Variants in JAK1 observed in about 807,000 individuals in gnomAD.
JAK1 encodes Janus kinase 1, also known as tyrosine-protein kinase JAK1.
A neutral mutation model predicts 136.6 loss-of-function variants in JAK1; 16 were observed. That is an observed-to-expected ratio of 0.12 (90% confidence interval 0.08 to 0.18). The LOEUF is 0.18. Ranked by LOEUF, JAK1 falls within the 10% of genes least tolerant of loss-of-function variation. The probability of loss-of-function intolerance (pLI) is 1.00; values close to 1 mark genes in which losing one functional copy is unlikely to be tolerated. For synonymous variants in JAK1, 492 were observed against 519.5 expected (o/e 0.95, Z 0.72); for missense variants, 859 against 1,450.1 (o/e 0.59, Z 6.62).
intron 2 of JAK1, among the ~76,000 whole-genome samples, chr1:65,036,452 G>A (rs1007795373): frequency 2.6e-5 from 4 of 152,062 alleles, no homozygotes; most frequent in African/African-American, 9.7e-5. Context: ...AAGTTATAAG[G>A]GAGCAGGGAA....
chr1:65,049,200 T>G (rs1647221782), intron 1 of JAK1, among the ~76,000 whole-genome samples: 1 of 152,040 alleles, frequency 6.6e-6, no homozygotes, highest in Non-Finnish European at 1.5e-5. Context: ...GGCGGGAATA[T>G]CTCCTGGAGC....
At chr1:64,885,543 C>A (rs768857623) in intron 2 of JAK1, among the ~76,000 whole-genome samples, 1 of 151,858 alleles carries the variant, frequency 6.6e-6, no homozygotes. Flanking sequence ...CACGAGGTCA[C>A]GAGATTGAGA....
At chr1:64,990,094 G>C (rs527266503) in intron 2 of JAK1, 1 of 152,148 alleles carries the variant, frequency 6.6e-6, no homozygotes, top group Non-Finnish European at 1.5e-5. Flanking sequence ...GATCACTTGC[G>C]GTCAGGAGTT....
chr1:64,843,732 ATTT>A (rs10534789), intron 17 of JAK1, among the ~76,000 whole-genome samples: 54,223 of 151,862 alleles, frequency 0.36, 11,661 homozygotes, highest in African/African-American at 0.61. Context: ...TTGTGTGGTA[ATTT>A]TGCTGAATAA....
chr1:64,873,077 A>G (rs1350467279), intron 5 of JAK1, among the ~76,000 whole-genome samples: 1 of 152,210 alleles, frequency 6.6e-6, no homozygotes, highest in African/African-American at 2.4e-5. Flanking sequence ...ACCTCTGCAC[A>G]TAAGGCTATT....
At chr1:65,063,804 CAAAAAAAAAAAA>C (rs370192253) in intron 1 of JAK1, among the ~76,000 whole-genome samples, 1 of 81,372 alleles carries the variant, frequency 1.2e-5, no homozygotes, top group Non-Finnish European at 2.7e-5. Flanking sequence ...GACTCTATCT[CAAAAAAAAAAAA>C]AAAAAAAGAA....
intron 9 of JAK1, among the ~76,000 whole-genome samples, chr1:64,858,260 C>A (rs907103092): frequency 1.3e-5 from 2 of 152,182 alleles, no homozygotes; most frequent in African/African-American, 2.4e-5. Context: ...TAGGAACAGG[C>A]CTGTCTTACA....
chr1:64,914,633 A>G (rs1481469670), intron 1 of JAK1, among the ~76,000 whole-genome samples: 1 of 152,162 alleles, frequency 6.6e-6, no homozygotes, highest in Non-Finnish European at 1.5e-5. Context: ...GCGTGATCTC[A>G]GCTCACTGCA....
chr1:64,908,318 T>G (rs1474525052), intron 1 of JAK1, among the ~76,000 whole-genome samples: 1 of 152,172 alleles, frequency 6.6e-6, no homozygotes, highest in Non-Finnish European at 1.5e-5. Flanking sequence ...ATGATGCATC[T>G]ATTCAGCTCT....
rs561142988 is a variant in JAK1 at position 64,894,938 on chromosome 1, C to T, written c.-77-8597G>A. On this transcript the variant is annotated intron_variant, in intron 1 of 24. Transcript: ENST00000342505. Reference sequence around the variant, plus strand: ...CTCCAATCTTAAACTGCTGGCAGAGCTCTCAGCGAACCCTATCCATATAAT... The same window carrying T: ...CTCCAATCTTAAACTGCTGGCAGAGTTCTCAGCGAACCCTATCCATATAAT... 4.6e-4 allele frequency among the ~76,000 whole-genome samples: 70 copies of T among 152,286 alleles called. 1 individual carries two copies. The highest frequency in any genetic ancestry group is 7.9e-4 in the Non-Finnish European group (54 of 68,032).
chr1:65,042,021 C>A (rs1192984798), intron 2 of JAK1, among the ~76,000 whole-genome samples: 1 of 151,582 alleles, frequency 6.6e-6, no homozygotes, highest in African/African-American at 2.4e-5. Flanking sequence ...CCAGCCTGGG[C>A]AAGAAGAGCA....
At chr1:64,976,843 C>T (rs1017530402) in intron 2 of JAK1, among the ~76,000 whole-genome samples, 2 of 152,158 alleles carry the variant, frequency 1.3e-5, no homozygotes, top group African/African-American at 4.8e-5. Flanking sequence ...ACCACCTTTT[C>T]CAGGCTTCTA....
At chr1:65,033,563 C>T (rs1647042275) in intron 2 of JAK1, among the ~76,000 whole-genome samples, 1 of 151,906 alleles carries the variant, frequency 6.6e-6, no homozygotes, top group Non-Finnish European at 1.5e-5. Context: ...TGAACAAATT[C>T]AGCAGAGACT....
Position 64,834,475 on chromosome 1 carries a change from C to A in JAK1, c.*87G>T. The A allele has an allele frequency of 2.3e-6, 2 of 887,808 alleles. No individual in the cohort carries two copies. The highest frequency in any genetic ancestry group is 3.7e-6 in the Non-Finnish European group (2 of 547,124). The allele number at this position is 887,808 out of a possible 1,614,324, so 55.0% of individuals were successfully genotyped here. A position where few individuals can be genotyped will look rare whatever the true frequency, so the allele number is the denominator to read the frequency against. ...TTTTGGACAGAACACAAACTTCTTT[C>A]ATTAGAAATTTTTAAAAAATGACTT... is the stretch of plus-strand genomic sequence containing the variant. On this transcript the variant is annotated 3_prime_UTR_variant, in exon 25 of 25. Transcript: ENST00000342505.
intron 1 of JAK1, among the ~76,000 whole-genome samples, chr1:64,913,166 C>T (rs967463522): frequency 9.9e-5 from 15 of 152,254 alleles, no homozygotes; most frequent in South Asian, 6.2e-4. Context: ...AGACTACAGG[C>T]GTGCACACCA....
intron 4 of JAK1, among the ~76,000 whole-genome samples, chr1:64,876,884 A>C (rs1489105627): frequency 6.6e-6 from 1 of 152,250 alleles, no homozygotes; most frequent in Non-Finnish European, 1.5e-5. Flanking sequence ...AATTATGTAC[A>C]GATAACTGCA....
chr1:65,032,130 T>G (rs565044259), intron 2 of JAK1, among the ~76,000 whole-genome samples: 7 of 151,296 alleles, frequency 4.6e-5, no homozygotes, highest in African/African-American at 1.7e-4. Flanking sequence ...CACGCCCAGC[T>G]AATTTTTGTA....
intron 17 of JAK1, among the ~76,000 whole-genome samples, chr1:64,842,923 C>T (rs1654997301): frequency 6.6e-6 from 1 of 152,132 alleles, no homozygotes; most frequent in Non-Finnish European, 1.5e-5. Context: ...ACCCTGCACT[C>T]TGGACTTCCG....
intron 2 of JAK1, among the ~76,000 whole-genome samples, chr1:65,006,394 T>A (rs946388063): frequency 2.0e-5 from 3 of 152,172 alleles, no homozygotes; most frequent in Non-Finnish European, 4.4e-5. Context: ...GTCTTACTCT[T>A]TTGCCCAGGC....
Sources: gnomAD v4.1 joint callset for allele counts (sites outside exome capture counted in the v4.1 genomes callset) on GRCh38, gnomAD v4.1.1 for gene constraint, MANE v1.5 for transcripts, NCBI Gene and HGNC (gene_info 2026-07-23, HGNC 2026-07-21) for gene names.